HDAC9: variants seen among roughly 807,000 people sequenced by gnomAD.
HDAC9 encodes histone deacetylase 9.
HDAC9 carries 41 observed loss-of-function variants against 139.4 expected under a neutral mutation model. That is an observed-to-expected ratio of 0.29 (90% CI 0.23 to 0.38). HDAC9 has a LOEUF of 0.38. HDAC9 is among the 10% of genes least tolerant of loss of function. The pLI is 1.00. For missense variants in HDAC9, 1,147 were observed against 1,297.0 expected (o/e 0.88, Z 1.78); for synonymous variants, 517 against 476.2 (o/e 1.09, Z -1.12).
intron 14 of HDAC9, among the ~76,000 whole-genome samples, chr7:18,753,832 G>A (rs1788652756): frequency 1.3e-5 from 2 of 152,042 alleles, no homozygotes; most frequent in South Asian, 4.1e-4. Flanking sequence ...GTTTAGATGA[G>A]GGTGTTAGGC....
chr7:18,521,761 A>G (rs1285108292), intron 2 of HDAC9, among the ~76,000 whole-genome samples: 2 of 152,214 alleles, frequency 1.3e-5, no homozygotes, highest in South Asian at 2.1e-4. Flanking sequence ...AAGTGAACCT[A>G]TATTCAGATT....
intron 2 of HDAC9, among the ~76,000 whole-genome samples, chr7:18,547,223 G>A (rs1815181707): frequency 2.0e-5 from 3 of 152,060 alleles, no homozygotes; most frequent in South Asian, 4.1e-4. Flanking sequence ...TGAAGGATAG[G>A]GTGACTCTGA....
intron 1 of HDAC9, among the ~76,000 whole-genome samples, chr7:18,484,641 G>A (rs1795834262): frequency 1.3e-5 from 2 of 152,070 alleles, no homozygotes; most frequent in African/African-American, 2.4e-5. Flanking sequence ...TTTTAGTTTC[G>A]TTTAACTAGG....
At chr7:18,674,865 T>C (rs1248908016) in intron 12 of HDAC9, among the ~76,000 whole-genome samples, 2 of 151,978 alleles carry the variant, frequency 1.3e-5, no homozygotes, top group African/African-American at 4.8e-5. Flanking sequence ...GATGGAAATA[T>C]TTTTCTTGAT....
At position 18,667,423 on chromosome 7, in the gene HDAC9, C is replaced by T. The variant is rs915275974; in HGVS notation, c.1731+947C>T. ...TCTCTTAAGTATAATTCCATAATGA[C>T]ATGGGCATATACCGTAACATTCTGG... On this transcript the variant is annotated intron_variant, in intron 12 of 25. Coordinates refer to ENST00000686413, the MANE Select transcript of HDAC9 (RefSeq NM_178425.4). 15 of 983,668 alleles carry T rather than the reference C, an allele frequency of 1.5e-5. No individual in the cohort carries two copies. The African/African-American group carries it at 2.6e-4, about 17-fold the overall frequency. 60.9% of individuals were successfully genotyped at this position (983,668 alleles called of 1,614,324 possible).
intron 13 of HDAC9, among the ~76,000 whole-genome samples, chr7:18,741,649 A>T (rs1562903323): frequency 6.6e-6 from 1 of 152,186 alleles, no homozygotes; most frequent in Non-Finnish European, 1.5e-5. Context: ...AAATTTTTAC[A>T]TCTTATTATT....
intron 12 of HDAC9, 137 bp from the exon 13 acceptor site, chr7:18,727,443 T>G (rs1785638806): frequency 1.4e-6 from 1 of 693,420 alleles, no homozygotes; most frequent in Non-Finnish European, 2.3e-6. Context: ...TCCCTTTCTC[T>G]ATTTTTTTTT....
chr7:18,246,428 A>T (rs1384085472), intron 2 of HDAC9, among the ~76,000 whole-genome samples: 1 of 152,096 alleles, frequency 6.6e-6, no homozygotes, highest in Non-Finnish European at 1.5e-5. Flanking sequence ...GTAAATTCAC[A>T]GTGTGCAGAC....
rs114130254 is a variant in HDAC9, at chr7:18,931,126, A to T, written c.2804-4683A>T. 1.9e-3 allele frequency among the ~76,000 whole-genome samples: 291 copies of T among 152,332 alleles called. 1 individual carries two copies. The highest frequency in any genetic ancestry group is 6.7e-3 in the African/African-American group (278 of 41,580). ...GCGGTCTAGAATATTTAATAATATG[A>T]TTAACAGAAATGTGTCCTTACCTAT... On this transcript the variant is annotated intron_variant, in intron 22 of 25. Transcript: ENST00000686413.
chr7:18,900,455 C>T lies in HDAC9; in HGVS notation c.2803+25859C>T, dbSNP rs191317039. Among the ~76,000 whole-genome samples the T allele has an allele frequency of 1.2e-4, 19 of 152,256 alleles. No homozygotes were observed. The East Asian group carries it at 3.3e-3, about 26-fold the overall frequency. On this transcript the variant is annotated intron_variant, in intron 22 of 25. Transcript: ENST00000686413. ...CAACCTCAGAGACGCCTTACCTTTG[C>T]CCTGTCTGTCCCCTCTAGGCTAGTC...
At chr7:18,777,850 C>T (rs972156071) in intron 16 of HDAC9, among the ~76,000 whole-genome samples, 1 of 151,954 alleles carries the variant, frequency 6.6e-6, no homozygotes, top group Non-Finnish European at 1.5e-5. Context: ...CTGATTCTCA[C>T]AGAACCAAGA....
intron 1 of HDAC9, among the ~76,000 whole-genome samples, chr7:18,377,505 GAAAT>G (rs753831480): frequency 5.0e-4 from 76 of 152,222 alleles, no homozygotes; most frequent in Non-Finnish European, 8.1e-4. Flanking sequence ...TTAAGAATGA[GAAAT>G]AAACTCGTTA....
chr7:18,881,387 T>G (rs1294186048), intron 22 of HDAC9, among the ~76,000 whole-genome samples: 1 of 152,126 alleles, frequency 6.6e-6, no homozygotes, highest in Admixed American at 6.6e-5. Context: ...ATTTATTCTT[T>G]ATCAAGGTGC....
At chr7:18,891,282 T>G (rs1355352034) in intron 22 of HDAC9, among the ~76,000 whole-genome samples, 1 of 152,206 alleles carries the variant, frequency 6.6e-6, no homozygotes, top group Non-Finnish European at 1.5e-5. Flanking sequence ...AGGGAATCAT[T>G]TATGAAATGT....
At chr7:18,431,102 A>G (rs1010642283) in intron 1 of HDAC9, among the ~76,000 whole-genome samples, 4 of 152,050 alleles carry the variant, frequency 2.6e-5, no homozygotes, top group African/African-American at 9.6e-5. Flanking sequence ...AGCCCATCCC[A>G]TCTCAGAACC....
At chr7:18,223,947 T>C (rs1440982700) in intron 2 of HDAC9, among the ~76,000 whole-genome samples, 1 of 152,232 alleles carries the variant, frequency 6.6e-6, no homozygotes, top group East Asian at 1.9e-4. Flanking sequence ...TAGTCTGTAA[T>C]TGCACTAATT....
intron 11 of HDAC9, among the ~76,000 whole-genome samples, chr7:18,656,947 C>G (rs1043903903): frequency 2.0e-5 from 3 of 150,666 alleles, no homozygotes; most frequent in Non-Finnish European, 4.4e-5. Context: ...CACCTGCATT[C>G]ATTACGGGTC....
At chr7:18,990,153 T>C (rs966882584) in intron 25 of HDAC9, among the ~76,000 whole-genome samples, 3 of 152,186 alleles carry the variant, frequency 2.0e-5, no homozygotes, top group African/African-American at 7.2e-5. Flanking sequence ...TTTCCAGTTT[T>C]TCTGCTCTGT....
At chr7:18,747,269 G>C (rs756331747) in intron 13 of HDAC9, among the ~76,000 whole-genome samples, 4 of 152,198 alleles carry the variant, frequency 2.6e-5, no homozygotes, top group Non-Finnish European at 4.4e-5. Context: ...CGACTGTTGT[G>C]TGGCAAATGG....
Sources: allele counts gnomAD v4.1 joint callset (sites outside exome capture counted in the v4.1 genomes callset), GRCh38; gene constraint gnomAD v4.1.1; transcripts MANE v1.5; gene names NCBI Gene and HGNC (gene_info 2026-07-23, HGNC 2026-07-21).